Variants in CNTN4 observed in about 807,000 individuals in gnomAD.
The protein encoded by CNTN4 is contactin-4.
CNTN4 carries 77 observed loss-of-function variants against 122.5 expected under a neutral mutation model. The ratio of observed to expected loss-of-function variants is 0.63; its 90% confidence interval spans 0.52 to 0.76. The LOEUF (loss-of-function observed/expected upper bound fraction) is 0.76, where lower values mean the gene tolerates loss of function less well. Among genes scored for constraint, CNTN4 ranks in the 30% least tolerant of loss-of-function variants. The pLI is 0.00. For missense variants in CNTN4, 1,256 were observed against 1,259.1 expected (o/e 1.00, Z 0.04); for synonymous variants, 512 against 447.0 (o/e 1.15, Z -1.83).
At chr3:2,124,226 A>T (rs2033980635) in intron 2 of CNTN4, among the ~76,000 whole-genome samples, 2 of 152,130 alleles carry the variant, frequency 1.3e-5, no homozygotes, top group African/African-American at 4.8e-5. Context: ...GAAAAATATG[A>T]ACAAGGCAGT....
In CNTN4 at chr3:2,672,031, G is replaced by T. The variant is rs970193348; in HGVS notation, c.56-64184G>T. On this transcript the variant is annotated intron_variant, in intron 4 of 24. Transcript: ENST00000418658. ...AGGTGTCAGTCTGCCCCTACTGGGG[G>T]GTGCCTCCCAGTTAGGCTACTCAGG... Among the ~76,000 whole-genome samples the T allele has an allele frequency of 2.0e-5, 3 of 152,326 alleles. 1 individual carries two copies. The highest frequency in any genetic ancestry group is 6.8e-3 in the Middle Eastern group (2 of 294).
At chr3:2,315,789 A>G (rs925741605) in intron 2 of CNTN4, among the ~76,000 whole-genome samples, 1 of 152,084 alleles carries the variant, frequency 6.6e-6, no homozygotes, top group Non-Finnish European at 1.5e-5. Flanking sequence ...GCTATTAACT[A>G]GAAATTATGA....
chr3:2,748,108 G>A (rs1170722112), intron 6 of CNTN4, among the ~76,000 whole-genome samples: 3 of 152,110 alleles, frequency 2.0e-5, no homozygotes, highest in Non-Finnish European at 4.4e-5. Flanking sequence ...TTCCATATAT[G>A]TGTCTTAACT....
intron 4 of CNTN4, among the ~76,000 whole-genome samples, chr3:2,597,953 A>T (rs2080849514): frequency 6.6e-6 from 1 of 152,164 alleles, no homozygotes; most frequent in South Asian, 2.1e-4. Context: ...TTCCTTACCT[A>T]ATGAACTTTT....
At chr3:2,861,933 G>C (rs1347505047) in intron 7 of CNTN4, among the ~76,000 whole-genome samples, 6 of 152,128 alleles carry the variant, frequency 3.9e-5, no homozygotes, top group Admixed American at 3.9e-4. Flanking sequence ...ATTTCTTCTG[G>C]CTCCAAAATA....
chr3:3,004,155 T>A (rs1405130089), intron 14 of CNTN4, among the ~76,000 whole-genome samples: 1 of 147,368 alleles, frequency 6.8e-6, no homozygotes, highest in Admixed American at 6.8e-5. Flanking sequence ...TTTGCACACT[T>A]AAAAAAAAAA....
intron 8 of CNTN4, among the ~76,000 whole-genome samples, chr3:2,874,389 C>T (rs2093819510): frequency 6.6e-6 from 1 of 152,158 alleles, no homozygotes; most frequent in Non-Finnish European, 1.5e-5. Flanking sequence ...CTGAATAATA[C>T]ATTTATAGAG....
At chr3:2,174,843 C>A (rs891659879) in intron 2 of CNTN4, among the ~76,000 whole-genome samples, 1 of 152,082 alleles carries the variant, frequency 6.6e-6, no homozygotes, top group Admixed American at 6.6e-5. Flanking sequence ...CATCACATGG[C>A]AAAAGCAGGA....
chr3:2,791,311 C>G lies in CNTN4; in HGVS notation c.359-28175C>G, dbSNP rs2092002756. Among the ~76,000 whole-genome samples the G allele has an allele frequency of 2.6e-5, 4 of 152,260 alleles. No individual in the cohort carries two copies. In the South Asian group the frequency reaches 8.3e-4, roughly 32 times the overall value. The stretch of plus-strand genomic sequence containing the variant: ...CAGTGGGAAGCCAAGGCGGGCTGAT[C>G]ACTTGAGCCCAGGAGTTCGAGACTA... On this transcript the variant is annotated intron_variant, in intron 6 of 24. Transcript: ENST00000418658.
intron 3 of CNTN4, among the ~76,000 whole-genome samples, chr3:2,462,425 A>G (rs1031251273): frequency 7.9e-5 from 12 of 152,206 alleles, no homozygotes; most frequent in Admixed American, 1.3e-4. Context: ...AGTTGGAGAA[A>G]ATCATAAAAG....
intron 20 of CNTN4, chr3:3,041,277 A>C (rs1185349550): frequency 6.6e-6 from 1 of 152,294 alleles, no homozygotes; most frequent in Non-Finnish European, 1.5e-5. Flanking sequence ...TGTCTGCCTC[A>C]GCTGCTGATG....
intron 2 of CNTN4, among the ~76,000 whole-genome samples, chr3:2,182,014 A>C (rs529279169): frequency 3.9e-5 from 6 of 152,290 alleles, no homozygotes; most frequent in Admixed American, 3.9e-4. Flanking sequence ...TCAATAATGA[A>C]GAATTCCTGA....
In CNTN4 at chr3:2,609,304, C is replaced by CCCTTCTA. The variant is rs1169580447; in HGVS notation, c.55+37752_55+37753insACCTTCT. Among the ~76,000 whole-genome samples the CCCTTCTA allele has an allele frequency of 7.9e-5, 12 of 152,326 alleles. 1 individual carries two copies. The East Asian group carries it at 2.3e-3, about 29-fold the overall frequency. ...GAGGAAACTAGCTTAGGACCCTTTG[C>CCCTTCTA]CCTTCTGCCTTCACCATGTGAGGAC... On this transcript the variant is annotated intron_variant, in intron 4 of 24. Transcript: ENST00000418658.
chr3:2,946,039 T>G (rs1179121795), intron 13 of CNTN4, among the ~76,000 whole-genome samples: 2 of 152,190 alleles, frequency 1.3e-5, no homozygotes, highest in Non-Finnish European at 2.9e-5. Context: ...TTCCTGTAGC[T>G]AATATAATCT....
At chr3:2,703,125 G>A (rs147118075) in intron 4 of CNTN4, among the ~76,000 whole-genome samples, 123 of 152,262 alleles carry the variant, frequency 8.1e-4, no homozygotes, top group African/African-American at 2.7e-3. Flanking sequence ...AGGACGAAAC[G>A]GAGGCACAGA....
intron 13 of CNTN4, among the ~76,000 whole-genome samples, chr3:2,980,930 C>T (rs1693901269): frequency 6.6e-6 from 1 of 152,134 alleles, no homozygotes; most frequent in Non-Finnish European, 1.5e-5. Flanking sequence ...GCCAGCACCA[C>T]CCTGTTGTCT....
At chr3:2,269,372 T>G (rs2041176765) in intron 2 of CNTN4, among the ~76,000 whole-genome samples, 1 of 152,082 alleles carries the variant, frequency 6.6e-6, no homozygotes, top group African/African-American at 2.4e-5. Flanking sequence ...GTTTGGTAAT[T>G]CCACAGCATG....
At chr3:2,552,440 C>T (rs1205909944) in intron 3 of CNTN4, among the ~76,000 whole-genome samples, 1 of 152,048 alleles carries the variant, frequency 6.6e-6, no homozygotes, top group Non-Finnish European at 1.5e-5. Context: ...GGTTTGGTAC[C>T]TACAGAGTAC....
intron 13 of CNTN4, among the ~76,000 whole-genome samples, chr3:2,963,578 T>C (rs1419045203): frequency 6.6e-6 from 1 of 152,142 alleles, no homozygotes; most frequent in African/African-American, 2.4e-5. Flanking sequence ...ATTCTTTGTC[T>C]GACCACTACT....
Sources: gnomAD v4.1 joint callset for allele counts (sites outside exome capture counted in the v4.1 genomes callset) on GRCh38, gnomAD v4.1.1 for gene constraint, MANE v1.5 for transcripts, NCBI Gene and HGNC (gene_info 2026-07-23, HGNC 2026-07-21) for gene names.